Variants in OXR1 observed in about 807,000 individuals in gnomAD.
The protein encoded by OXR1 is oxidation resistance protein 1.
OXR1 carries 41 observed loss-of-function variants against 104.6 expected under a neutral mutation model. The observed-to-expected ratio is 0.39, with a 90% CI of 0.31 to 0.51. The LOEUF (loss-of-function observed/expected upper bound fraction) is 0.51, where lower values mean the gene tolerates loss of function less well. OXR1 is among the 20% of genes least tolerant of loss of function. OXR1 has a pLI of 0.77. For synonymous variants in OXR1, 348 were observed against 348.4 expected, an observed-to-expected ratio of 1.00 and a Z score of 0.01; for missense variants, 955 against 1,031.9, an observed-to-expected ratio of 0.93 and a Z score of 1.02.
At chr8:106,537,470 C>G (rs1217471043) in intron 3 of OXR1, among the ~76,000 whole-genome samples, 3 of 151,930 alleles carry the variant, frequency 2.0e-5, no homozygotes, top group African/African-American at 7.3e-5. Flanking sequence ...GGCTCCAGAA[C>G]AAAGGAAAGT....
chr8:106,350,495 C>G (rs183606646), intron 1 of OXR1, among the ~76,000 whole-genome samples: 1 of 152,130 alleles, frequency 6.6e-6, no homozygotes, highest in African/African-American at 2.4e-5. Context: ...ATGCTTTAGA[C>G]TAATTACTGA....
At chr8:106,652,713 C>T (rs754773451) in intron 3 of OXR1, among the ~76,000 whole-genome samples, 22 of 93,216 alleles carry the variant, frequency 2.4e-4, no homozygotes, top group Admixed American at 1.5e-3. Context: ...GGTTGGGGGG[C>T]GGCGGGGGGA....
At chr8:106,513,955 T>G (rs1812701224) in intron 2 of OXR1, among the ~76,000 whole-genome samples, 1 of 152,142 alleles carries the variant, frequency 6.6e-6, no homozygotes, top group Admixed American at 6.6e-5. Flanking sequence ...GATTGTTCTT[T>G]TCTTCTCAAA....
chr8:106,476,766 C>T (rs1821832992), intron 2 of OXR1, among the ~76,000 whole-genome samples: 1 of 151,964 alleles, frequency 6.6e-6, no homozygotes, highest in African/African-American at 2.4e-5. Context: ...CTAAAATTAT[C>T]AAACTGTCCT....
intron 2 of OXR1, among the ~76,000 whole-genome samples, chr8:106,486,560 T>G (rs1810670933): frequency 6.6e-6 from 1 of 152,170 alleles, no homozygotes; most frequent in Non-Finnish European, 1.5e-5. Flanking sequence ...TTGTGAATTT[T>G]TAACAATTCC....
Position 106,532,801 on chromosome 8 carries a change from T to C in OXR1, c.220+13662T>C, listed in dbSNP as rs1242159898. 3.3e-5 allele frequency among the ~76,000 whole-genome samples: 5 copies of C among 152,198 alleles called. No individual in the cohort carries two copies. In the East Asian group the frequency reaches 9.6e-4, roughly 29 times the overall value. On this transcript the variant is annotated intron_variant, in intron 3 of 16. Coordinates refer to ENST00000517566, the MANE Select transcript of OXR1 (RefSeq NM_001198533.2). ...CTTTCATGAACAAAATAAATATCTCTATGGGCCAGAAAAAGGATAAAATGC... is the reference window on the plus strand; with the variant it reads ...CTTTCATGAACAAAATAAATATCTCCATGGGCCAGAAAAAGGATAAAATGC...
intron 1 of OXR1, among the ~76,000 whole-genome samples, chr8:106,316,098 A>AC (rs1813924249): frequency 8.5e-5 from 13 of 152,326 alleles, no homozygotes; most frequent in African/African-American, 2.9e-4. Flanking sequence ...TGCATTCATG[A>AC]TGTGCATTCA....
At chr8:106,595,416 C>A (rs536455912) in intron 3 of OXR1, among the ~76,000 whole-genome samples, 1 of 151,728 alleles carries the variant, frequency 6.6e-6, no homozygotes, top group Admixed American at 6.6e-5. Flanking sequence ...CAGGCATGGT[C>A]GTGGGCGCTT....
intron 3 of OXR1, among the ~76,000 whole-genome samples, chr8:106,605,790 C>T (rs895718320): frequency 2.6e-5 from 4 of 151,672 alleles, no homozygotes; most frequent in African/African-American, 9.7e-5. Context: ...CAGAGGGAGA[C>T]CCTGTCTCCA....
At chr8:106,622,540 CTT>C (rs1233383642) in intron 3 of OXR1, among the ~76,000 whole-genome samples, 1 of 152,060 alleles carries the variant, frequency 6.6e-6, no homozygotes, top group Non-Finnish European at 1.5e-5. Flanking sequence ...TCACTAGTCT[CTT>C]TGCTATTCCT....
At chr8:106,721,307 C>T (rs1172394804) in intron 11 of OXR1, among the ~76,000 whole-genome samples, 2 of 152,046 alleles carry the variant, frequency 1.3e-5, no homozygotes, top group Admixed American at 1.3e-4. Context: ...TTTCATACTA[C>T]AAACCTAATT....
intron 3 of OXR1, among the ~76,000 whole-genome samples, chr8:106,642,544 A>G (rs1036941083): frequency 7.9e-5 from 12 of 152,200 alleles, no homozygotes; most frequent in East Asian, 5.8e-4. Flanking sequence ...GAGATCACCA[A>G]TAGGGACTCT....
intron 2 of OXR1, among the ~76,000 whole-genome samples, chr8:106,387,515 A>T (rs1817424589): frequency 6.6e-6 from 1 of 152,148 alleles, no homozygotes; most frequent in Non-Finnish European, 1.5e-5. Flanking sequence ...GAGGTTCTTT[A>T]TCCAGTTGTT....
At chr8:106,742,190 C>T (rs562943361) in intron 14 of OXR1, 32 bp from the exon 15 acceptor site, 10 of 1,149,868 alleles carry the variant, frequency 8.7e-6, no homozygotes, top group Admixed American at 1.7e-5. Context: ...ATTTGTTAGT[C>T]GTGTCATTGA....
chr8:106,300,374 C>T (rs1813179138), intron 1 of OXR1, among the ~76,000 whole-genome samples: 1 of 152,034 alleles, frequency 6.6e-6, no homozygotes. Flanking sequence ...TATACTTCAG[C>T]ATCTTTATTA....
intron 3 of OXR1, among the ~76,000 whole-genome samples, chr8:106,659,907 G>T (rs1825583610): frequency 6.6e-6 from 1 of 152,186 alleles, no homozygotes; most frequent in Non-Finnish European, 1.5e-5. Context: ...TTCCTCTTCT[G>T]TTGAAGCTGC....
chr8:106,669,286 T>C (rs1486832852), intron 3 of OXR1, among the ~76,000 whole-genome samples: 1 of 152,086 alleles, frequency 6.6e-6, no homozygotes, highest in Non-Finnish European at 1.5e-5. Flanking sequence ...AGAGAAGATA[T>C]TACAATACAT....
chr8:106,617,213 G>A (rs1005187540), intron 3 of OXR1, among the ~76,000 whole-genome samples: 8 of 152,128 alleles, frequency 5.3e-5, no homozygotes, highest in Non-Finnish European at 7.4e-5. Context: ...ACCTGAGGTC[G>A]GGAGTTCAAG....
At chr8:106,473,550 C>A (rs1821631484) in intron 2 of OXR1, among the ~76,000 whole-genome samples, 1 of 151,738 alleles carries the variant, frequency 6.6e-6, no homozygotes, top group South Asian at 2.1e-4. Flanking sequence ...CCTAAAGTAA[C>A]CATAAAGGCT....
Sources: allele counts gnomAD v4.1 joint callset (sites outside exome capture counted in the v4.1 genomes callset), GRCh38; gene constraint gnomAD v4.1.1; transcripts MANE v1.5; gene names NCBI Gene and HGNC (gene_info 2026-07-23, HGNC 2026-07-21).